The following NOL10 variants were observed in gnomAD, a reference collection of about 807,000 sequenced individuals.
The protein encoded by NOL10 is H_NH0074G24.1.
A neutral mutation model predicts 103.5 loss-of-function variants in NOL10; 58 were observed. That is an observed-to-expected ratio of 0.56 (90% CI 0.45 to 0.70). NOL10 has a LOEUF of 0.70. Among genes scored for constraint, NOL10 ranks in the 30% least tolerant of loss-of-function variants. The pLI, the probability that NOL10 is intolerant of heterozygous loss-of-function variation, is 0.00. For missense variants in NOL10, 763 were observed against 807.3 expected, an observed-to-expected ratio of 0.95 and a Z score of 0.67; for synonymous variants, 287 against 282.5, an observed-to-expected ratio of 1.02 and a Z score of -0.16.
intron 19 of NOL10, among the ~76,000 whole-genome samples, chr2:10,585,306 A>G (rs930719193): frequency 1.3e-5 from 2 of 152,216 alleles, no homozygotes; most frequent in African/African-American, 2.4e-5. Context: ...ACCTACACAT[A>G]ACAGCTGTAT....
At chr2:10,637,722 T>C (rs1036890344) in intron 13 of NOL10, among the ~76,000 whole-genome samples, 5 of 152,194 alleles carry the variant, frequency 3.3e-5, no homozygotes, top group African/African-American at 9.7e-5. Context: ...TCTTAACACA[T>C]AGTGTCCTCT....
rs1675091957 is a variant in NOL10, at chr2:10,587,094, T to TATATACATATATATAC, written c.1844+1948_1844+1949insGTATATATATGTATAT. Among the ~76,000 whole-genome samples, 7 of 39,536 alleles carry TATATACATATATATAC rather than the reference T, an allele frequency of 1.8e-4. 1 individual carries two copies. Among genetic ancestry groups the TATATACATATATATAC allele is most frequent in the African/African-American group, 5.8e-4 (6 of 10,356 alleles). The allele number at this position is 39,536 out of a possible 152,430, so 25.9% of individuals were successfully genotyped here. ...ATATATATACATATATATACATATA[T>TATATACATATATATAC]ATACACATATATATACATATATATA... is the stretch of plus-strand genomic sequence containing the variant. On this transcript the variant is annotated intron_variant, in intron 19 of 20. Transcript: ENST00000381685.
chr2:10,586,594 A>G (rs1032301838), intron 19 of NOL10, among the ~76,000 whole-genome samples: 1 of 135,956 alleles, frequency 7.4e-6, no homozygotes, highest in African/African-American at 3.2e-5. Flanking sequence ...TAACACCATT[A>G]CTCGCCTCCC....
intron 6 of NOL10, 26 bp downstream of exon 6, chr2:10,671,528 G>A: frequency 1.3e-6 from 2 of 1,523,342 alleles, no homozygotes; most frequent in Non-Finnish European, 1.8e-6. Context: ...GAGGTGAAAA[G>A]GAGAAAAAGG....
At chr2:10,689,652 G>A (rs1572463767) in intron 1 of NOL10, 144 bp downstream of exon 1, 1 of 761,418 alleles carries the variant, frequency 1.3e-6, no homozygotes, top group East Asian at 2.7e-5. Context: ...CCCGGAAATT[G>A]TCAGCCGCCT....
intron 13 of NOL10, among the ~76,000 whole-genome samples, chr2:10,634,809 A>G (rs866853190): frequency 6.6e-6 from 1 of 152,190 alleles, no homozygotes; most frequent in African/African-American, 2.4e-5. Flanking sequence ...GAATCCCAGG[A>G]GAATGTGGCC....
rs144340569 is a variant in NOL10 at position 10,675,980 on chromosome 2, C to T, written c.212-109G>A. On this transcript the variant is annotated intron_variant, in intron 3 of 20. Coordinates refer to ENST00000381685, the MANE Select transcript of NOL10 (RefSeq NM_024894.4). ...CAGAGACAGGCAGGATTAATTGTAA[C>T]CAAATCAAAAGAAAGGAATGTAAAA... The T allele has an allele frequency of 8.4e-4, 436 of 519,046 alleles. 1 individual carries two copies. The highest frequency in any genetic ancestry group is 7.7e-3 in the African/African-American group (395 of 51,124). The allele number at this position is 519,046 out of a possible 1,614,324, so 32.2% of individuals were successfully genotyped here.
intron 13 of NOL10, among the ~76,000 whole-genome samples, chr2:10,617,792 T>C (rs886554706): frequency 6.6e-6 from 1 of 152,018 alleles, no homozygotes; most frequent in Non-Finnish European, 1.5e-5. Context: ...TCAAAAGGAA[T>C]AAAGTACTGA....
At chr2:10,634,543 T>C (rs1216855042) in intron 13 of NOL10, 7 of 456,598 alleles carry the variant, frequency 1.5e-5, no homozygotes, top group Middle Eastern at 3.2e-4. Context: ...TGTACCTCTG[T>C]AGCTCAGAGG....
At chr2:10,576,911 A>G (rs2148139934) in intron 20 of NOL10, among the ~76,000 whole-genome samples, 1 of 140,460 alleles carries the variant, frequency 7.1e-6, no homozygotes, top group South Asian at 2.2e-4. Flanking sequence ...CTACTGCTTA[A>G]GGAAAAAAAA....
At chr2:10,644,204 C>T in intron 13 of NOL10, 116 bp downstream of exon 13, 1 of 675,528 alleles carries the variant, frequency 1.5e-6, no homozygotes, top group Non-Finnish European at 2.4e-6. Flanking sequence ...GCTGAGGCTG[C>T]ACCACTGCAC....
chr2:10,655,344 G>A (rs1558327171), intron 11 of NOL10, among the ~76,000 whole-genome samples: 1 of 152,096 alleles, frequency 6.6e-6, no homozygotes, highest in Non-Finnish European at 1.5e-5. Flanking sequence ...TCAGAGGAGA[G>A]AGATGGCCAG....
At chr2:10,675,466 T>C (rs1681243728) in intron 4 of NOL10, among the ~76,000 whole-genome samples, 1 of 151,162 alleles carries the variant, frequency 6.6e-6, no homozygotes, top group South Asian at 2.1e-4. Context: ...TTGGGGGGGG[T>C]GCATTCTCTG....
At chr2:10,637,507 G>A (rs1354714470) in intron 13 of NOL10, among the ~76,000 whole-genome samples, 1 of 152,178 alleles carries the variant, frequency 6.6e-6, no homozygotes, top group Non-Finnish European at 1.5e-5. Flanking sequence ...GAAGCCCTGA[G>A]GAGATACCAG....
intron 2 of NOL10, 24 bp downstream of exon 2, chr2:10,684,542 TG>T (rs1682015336): frequency 6.4e-7 from 1 of 1,553,970 alleles, no homozygotes; most frequent in Non-Finnish European, 8.7e-7. Flanking sequence ...CTAACGCAGC[TG>T]AAGTGGGAAA....
intron 5 of NOL10, chr2:10,673,192 C>T (rs1438742725): frequency 1.0e-5 from 2 of 199,584 alleles, no homozygotes; most frequent in Non-Finnish European, 2.0e-5. Flanking sequence ...CTAGGTTAAA[C>T]GTAATAATCA....
At chr2:10,604,274 CT>C (rs1318055967) in intron 14 of NOL10, among the ~76,000 whole-genome samples, 1 of 152,220 alleles carries the variant, frequency 6.6e-6, no homozygotes, top group Non-Finnish European at 1.5e-5. Flanking sequence ...GTATAAGTGA[CT>C]GTCTTTCTAA....
intron 17 of NOL10, among the ~76,000 whole-genome samples, chr2:10,591,379 G>A (rs905366804): frequency 6.6e-6 from 1 of 152,148 alleles, no homozygotes. Context: ...GGGGCCCTGG[G>A]GGGTGCAGCA....
At chr2:10,624,966 C>G (rs1677368683) in intron 13 of NOL10, among the ~76,000 whole-genome samples, 1 of 152,122 alleles carries the variant, frequency 6.6e-6, no homozygotes, top group Non-Finnish European at 1.5e-5. Flanking sequence ...TATCATGCCA[C>G]AAACAGACAT....
Sources: allele counts gnomAD v4.1 joint callset (sites outside exome capture counted in the v4.1 genomes callset), GRCh38; gene constraint gnomAD v4.1.1; transcripts MANE v1.5; gene names NCBI Gene and HGNC (gene_info 2026-07-23, HGNC 2026-07-21).